The following PANX3 variants were observed in gnomAD, a reference collection of about 807,000 sequenced individuals.
PANX3 encodes pannexin-3.
In PANX3, 18 loss-of-function variants were observed where a neutral mutation model predicts 31.5. The observed-to-expected ratio is 0.57, with a 90% CI of 0.39 to 0.85. PANX3 has a LOEUF of 0.85. Ranked by LOEUF, PANX3 falls within the 40% of genes least tolerant of loss-of-function variation. The pLI, the probability that PANX3 is intolerant of heterozygous loss-of-function variation, is 0.00. For synonymous variants in PANX3, 194 were observed against 201.6 expected (o/e 0.96, Z 0.32); for missense variants, 426 against 485.4 (o/e 0.88, Z 1.15).
chr11:124,617,141 TG>T, intron 2 of PANX3, 132 bp from the exon 3 acceptor site: 1 of 753,580 alleles, frequency 1.3e-6, no homozygotes, highest in African/African-American at 1.7e-5. Flanking sequence ...GGGCTGAGCC[TG>T]GGCTAGCCCA....
chr11:124,618,389 T>C (rs1029881546), intron 3 of PANX3, among the ~76,000 whole-genome samples: 2 of 152,210 alleles, frequency 1.3e-5, no homozygotes, highest in African/African-American at 4.8e-5. Context: ...TCCTAACTTT[T>C]ACAGCCACTG....
chr11:124,613,213 C>A, intron 2 of PANX3, 91 bp downstream of exon 2: 1 of 1,412,868 alleles, frequency 7.1e-7, no homozygotes, highest in Non-Finnish European at 9.4e-7. Flanking sequence ...CTATCCCCAC[C>A]ACCCCTAACC....
rs1863196308 is a variant in PANX3, at chr11:124,619,797, T to C, written c.1041T>C (p.Ser347=). The C allele has an allele frequency of 3.1e-6, 5 of 1,614,136 alleles. No homozygotes were observed. Among genetic ancestry groups the C allele is most frequent in the Non-Finnish European group, 4.2e-6 (5 of 1,180,012 alleles). The change falls in exon 4 of 4, where the codon AGT becomes AGC. Residue 347 remains serine, a synonymous_variant. Transcript: ENST00000284288. ...ISELISFSWL[S]VLCVLKDTTT... ...AGCTCATCTCTTTTAGCTGGCTGAG[T>C]GTCTTATGTGTGTTGAAGGATACAA...
In PANX3 at chr11:124,612,999, C is replaced by G. The variant is rs374457014; in HGVS notation, c.201C>G (p.Phe67Leu). ...TTGCAGGGTCTCCGATCAGCTGCTTCTCTCCCAGTAACTTCAGCATCCGGC... is the reference window on the plus strand; with the variant it reads ...TTGCAGGGTCTCCGATCAGCTGCTTGTCTCCCAGTAACTTCAGCATCCGGC... Reference protein sequence around the residue: ...EFSSGSPISCFSPSNFSIRQA... With the variant: ...EFSSGSPISCLSPSNFSIRQA... The change falls in exon 2 of 4, where the codon TTC becomes TTG. Residue 67 changes from phenylalanine (F) to leucine (L), a missense_variant. Coordinates refer to ENST00000284288, the MANE Select transcript of PANX3 (RefSeq NM_052959.3). 2.8e-5 allele frequency: 45 copies of G among 1,614,034 alleles called. No individual in the cohort carries two copies. Among genetic ancestry groups the G allele is most frequent in the Non-Finnish European group, 8.5e-6 (10 of 1,180,020 alleles).
At chr11:124,618,983 C>G (rs1863183383) in intron 3 of PANX3, among the ~76,000 whole-genome samples, 1 of 152,132 alleles carries the variant, frequency 6.6e-6, no homozygotes, top group Non-Finnish European at 1.5e-5. Flanking sequence ...ATTTCATAAG[C>G]CTATTGCTAC....
Position 124,616,962 on chromosome 11 carries a change from T to G in PANX3, c.325-312T>G, listed in dbSNP as rs1863159455. On this transcript the variant is annotated intron_variant, in intron 2 of 3. Coordinates refer to ENST00000284288, the MANE Select transcript of PANX3 (RefSeq NM_052959.3). This position sits in a 1 kb window ranked among gnomAD's most constrained non-coding sequence, Gnocchi z 4.8. ...CTTCCCCTCTCCTTCCCACCTCTCC[T>G]CTCTCTCTCTCTCCTTATTCTCTCT... Among the ~76,000 whole-genome samples, 1 of 139,650 alleles carries G rather than the reference T, an allele frequency of 7.2e-6. No individual in the cohort carries two copies. 91.6% of individuals were successfully genotyped at this position (139,650 alleles called of 152,430 possible).
rs752559932 is a variant in PANX3 at position 124,619,368 on chromosome 11, G to T, written c.612G>T (p.Ser204=). The change falls in exon 4 of 4, where the codon TCG becomes TCT. Residue 204 remains serine, a synonymous_variant. Transcript: ENST00000284288. ...RYLACKQRSH[S]LVATYLLRNS... ...TGGCATGTAAGCAGCGTTCACATTC[G>T]CTAGTGGCTACCTACCTCCTGAGGA... 3.7e-6 allele frequency: 6 copies of T among 1,614,076 alleles called. No homozygotes were observed. The highest frequency in any genetic ancestry group is 5.1e-6 in the Non-Finnish European group (6 of 1,179,998).
At chr11:124,615,061 T>G (rs1863137878) in intron 2 of PANX3, among the ~76,000 whole-genome samples, 1 of 151,922 alleles carries the variant, frequency 6.6e-6, no homozygotes, top group Non-Finnish European at 1.5e-5. Flanking sequence ...CTTGTTTAAT[T>G]CAGAAAACAC....
At position 124,613,080 on chromosome 11, in the gene PANX3, C is replaced by T. The variant is rs766261814; in HGVS notation, c.282C>T (p.Asp94=). The change falls in exon 2 of 4, where the codon GAC becomes GAT. Residue 94 remains aspartate, a synonymous_variant. Transcript: ENST00000284288. ...ACTCACTGCTTCACCATAAGCAGGA[C>T]GGGCCTGGCCAGGACAAAATGAAAT... ...CWDSLLHHKQ[D]GPGQDKMKSL... 9.9e-6 allele frequency: 16 copies of T among 1,613,898 alleles called. No homozygotes were observed. Among genetic ancestry groups the T allele is most frequent in the East Asian group, 2.2e-5 (1 of 44,888 alleles).
chr11:124,617,967 G>A (rs769878784), intron 3 of PANX3, among the ~76,000 whole-genome samples: 1 of 152,182 alleles, frequency 6.6e-6, no homozygotes, highest in Non-Finnish European at 1.5e-5. Context: ...ATTGTCCTGG[G>A]TGCTTCTGAT....
chr11:124,614,167 T>TAAAAAAAAA (rs71042444), intron 2 of PANX3, among the ~76,000 whole-genome samples: 8 of 73,462 alleles, frequency 1.1e-4, no homozygotes, highest in Admixed American at 1.8e-4. Flanking sequence ...ATCTAAATGG[T>TAAAAAAAAA]AAAAAAAAAA....
In PANX3 at chr11:124,611,616, C is replaced by CATCTCAA; in HGVS notation, c.61_62insTCTCAAA (p.Arg21IlefsTer53). The stretch of plus-strand genomic sequence containing the variant: ...TCTCAGATGCCCTGCTGCCTGACCG[C>CATCTCAA]AGGGGACCCCGCCTCAAAGGACTGC... On this transcript the variant is annotated frameshift_variant, in exon 1 of 4. Transcript: ENST00000284288. LOFTEE classifies it high-confidence loss of function. The CATCTCAA allele has an allele frequency of 2.5e-6, 4 of 1,614,164 alleles. No homozygotes were observed. Among genetic ancestry groups the CATCTCAA allele is most frequent in the Non-Finnish European group, 3.4e-6 (4 of 1,180,008 alleles).
At chr11:124,618,612 G>A (rs1863179361) in intron 3 of PANX3, among the ~76,000 whole-genome samples, 1 of 152,078 alleles carries the variant, frequency 6.6e-6, no homozygotes, top group Non-Finnish European at 1.5e-5. Context: ...CATACACAGA[G>A]TACACAGGCC....
At chr11:124,611,931 A>G (rs1333962742) in intron 1 of PANX3, among the ~76,000 whole-genome samples, 194 bp downstream of exon 1, 1 of 146,362 alleles carries the variant, frequency 6.8e-6, no homozygotes, top group Admixed American at 6.9e-5. Context: ...TTTGAAAGTC[A>G]TCTCCAAAAT....
chr11:124,617,503 C>T lies in PANX3; in HGVS notation c.539+15C>T, dbSNP rs375971374. On this transcript the variant is annotated intron_variant, in intron 3 of 3. Coordinates refer to ENST00000284288, the MANE Select transcript of PANX3 (RefSeq NM_052959.3). ...GAGCTGGAGAAGTGAGTTGTCTCTTCCACCTTTTTCTGAGAAATTCAGTCA... is the reference window on the plus strand; with the variant it reads ...GAGCTGGAGAAGTGAGTTGTCTCTTTCACCTTTTTCTGAGAAATTCAGTCA... 157 of 1,610,542 alleles carry T rather than the reference C, an allele frequency of 9.7e-5. No homozygotes were observed. The African/African-American group carries it at 1.9e-3, about 19-fold the overall frequency.
Position 124,616,960 on chromosome 11 carries a change from C to CCTCT in PANX3, c.325-302_325-299dup, listed in dbSNP as rs914637054. On this transcript the variant is annotated intron_variant, in intron 2 of 3. Coordinates refer to ENST00000284288, the MANE Select transcript of PANX3 (RefSeq NM_052959.3). The surrounding 1 kb of genome is among the most constrained non-coding windows in gnomAD (Gnocchi z 4.8). Reference sequence around the variant, plus strand: ...CCCTTCCCCTCTCCTTCCCACCTCTCCTCTCTCTCTCTCTCCTTATTCTCT... The same window carrying CCTCT: ...CCCTTCCCCTCTCCTTCCCACCTCTCCTCTCTCTCTCTCTCTCTCCTTATTCTCT... Among the ~76,000 whole-genome samples, 1 of 149,918 alleles carries CCTCT rather than the reference C, an allele frequency of 6.7e-6. No individual in the cohort carries two copies. The highest frequency in any genetic ancestry group is 1.5e-5 in the Non-Finnish European group (1 of 67,392).
intron 3 of PANX3, among the ~76,000 whole-genome samples, chr11:124,618,748 A>G (rs771532470): frequency 4.6e-5 from 7 of 152,092 alleles, no homozygotes; most frequent in Non-Finnish European, 8.8e-5. Flanking sequence ...GGGCACAAGC[A>G]ATCCTCCCTC....
rs191563757 is a variant in PANX3 at position 124,613,222 on chromosome 11, C to T, written c.324+100C>T. 1.2e-3 allele frequency: 1,708 copies of T among 1,382,724 alleles called. 1 individual carries two copies. Among genetic ancestry groups the T allele is most frequent in the Non-Finnish European group, 1.4e-3 (1,483 of 1,042,312 alleles). 85.7% of individuals were successfully genotyped at this position (1,382,724 alleles called of 1,614,324 possible). ...TTGCCTCTATCCCCACCACCCCTAACCCATTTATTTTGGTCACTTACTTTC... is the reference window on the plus strand; with the variant it reads ...TTGCCTCTATCCCCACCACCCCTAATCCATTTATTTTGGTCACTTACTTTC... On this transcript the variant is annotated intron_variant, in intron 2 of 3. Coordinates refer to ENST00000284288, the MANE Select transcript of PANX3 (RefSeq NM_052959.3).
At chr11:124,617,249 C>T (rs1247768191) in intron 2 of PANX3, 25 bp from the exon 3 acceptor site, 2 of 1,581,520 alleles carry the variant, frequency 1.3e-6, no homozygotes, top group Non-Finnish European at 1.7e-6. Flanking sequence ...CCCGGCCTCC[C>T]TCCTCAGCTG....
Sources: gnomAD v4.1 joint callset for allele counts (sites outside exome capture counted in the v4.1 genomes callset) on GRCh38, gnomAD v4.1.1 for gene constraint, Gnocchi (gnomAD v3.1) non-coding constraint, MANE v1.5 for transcripts, NCBI Gene and HGNC (gene_info 2026-07-23, HGNC 2026-07-21) for gene names.